Variants in PRKAR1B observed in about 807,000 individuals in gnomAD.
PRKAR1B encodes the protein protein kinase cAMP-dependent type I regulatory subunit beta, also known as cAMP-dependent protein kinase type I-beta regulatory subunit.
A neutral mutation model predicts 46.5 loss-of-function variants in PRKAR1B; 22 were observed. That is an observed-to-expected ratio of 0.47 (90% CI 0.34 to 0.68). PRKAR1B has a LOEUF of 0.68. Among genes scored for constraint, PRKAR1B ranks in the 30% least tolerant of loss-of-function variants. The probability of loss-of-function intolerance (pLI) is 0.01; values close to 1 mark genes in which losing one functional copy is unlikely to be tolerated. For synonymous variants in PRKAR1B, 259 were observed against 217.7 expected (o/e 1.19, Z -1.67); for missense variants, 445 against 535.6 (o/e 0.83, Z 1.67).
At position 560,642 on chromosome 7, in the gene PRKAR1B, A is replaced by T. The variant is rs192079163; in HGVS notation, c.892-9172T>A. On this transcript the variant is annotated intron_variant, in intron 9 of 10. Transcript: ENST00000537384. The surrounding 1 kb of genome is among the most constrained non-coding windows in gnomAD (Gnocchi z 4.2). ...AGTCGAAGAGTCTGGGTCCAGCCTCAGCTCTGCAATGCACCAGCCAGTCTC... is the reference window on the plus strand; with the variant it reads ...AGTCGAAGAGTCTGGGTCCAGCCTCTGCTCTGCAATGCACCAGCCAGTCTC... Among the ~76,000 whole-genome samples the T allele has an allele frequency of 2.0e-5, 3 of 152,306 alleles. No individual in the cohort carries two copies. The highest frequency in any genetic ancestry group is 7.2e-5 in the African/African-American group (3 of 41,560).
chr7:632,337 C>T lies in PRKAR1B; in HGVS notation c.441-24885G>A, dbSNP rs146798296. Among the ~76,000 whole-genome samples the T allele has an allele frequency of 4.2e-3, 647 of 152,300 alleles. 9 individuals carry two copies. Among genetic ancestry groups the T allele is most frequent in the African/African-American group, 0.013 (561 of 41,568 alleles). On this transcript the variant is annotated intron_variant, in intron 4 of 10. Transcript: ENST00000537384. Reference sequence around the variant, plus strand: ...CCACCCACCTCGCCGAAGCCGGCACCGGCTTCGCAGAGACCCGGACTCGAG... The same window carrying T: ...CCACCCACCTCGCCGAAGCCGGCACTGGCTTCGCAGAGACCCGGACTCGAG...
chr7:550,578 C>T lies in PRKAR1B; in HGVS notation c.998G>A (p.Arg333Gln), dbSNP rs77270969. ...YFGEIALLLN[R>Q]PRAATVVARG... ...GGCCACGACAGTGGCCGCCCGGGGC[C>T]GGTTCAGCAGCAGTGCAATCTCCCC... is the stretch of plus-strand genomic sequence containing the variant. The change falls in exon 11 of 11, where the codon CGG becomes CAG. Residue 333 changes from arginine (R) to glutamine (Q), a missense_variant. Arg to Gln is a conservative substitution (Grantham distance 43, BLOSUM62 1). Transcript: ENST00000537384. 2.5e-4 allele frequency: 397 copies of T among 1,591,226 alleles called. 2 individuals are homozygous for T. The highest frequency in any genetic ancestry group is 2.8e-4 in the Non-Finnish European group (323 of 1,170,934).
intron 9 of PRKAR1B, among the ~76,000 whole-genome samples, chr7:559,890 A>G (rs1671700385): frequency 6.6e-6 from 1 of 152,178 alleles, no homozygotes; most frequent in Non-Finnish European, 1.5e-5. Flanking sequence ...AGCCTGCGCA[A>G]CATGGCAAGA....
chr7:618,338 G>C (rs978891924), intron 4 of PRKAR1B, among the ~76,000 whole-genome samples: 1 of 152,186 alleles, frequency 6.6e-6, no homozygotes, highest in Non-Finnish European at 1.5e-5. Flanking sequence ...GGAGCACTCA[G>C]TTCATGCCGC....
At chr7:683,151 C>T (rs1417590660) in intron 2 of PRKAR1B, among the ~76,000 whole-genome samples, 1 of 152,220 alleles carries the variant, frequency 6.6e-6, no homozygotes, top group Non-Finnish European at 1.5e-5. Context: ...GACGTGCCCA[C>T]CTGTGACAAG....
chr7:599,842 A>G (rs1459704182), intron 6 of PRKAR1B, among the ~76,000 whole-genome samples: 1 of 145,422 alleles, frequency 6.9e-6, no homozygotes, highest in African/African-American at 2.6e-5. Context: ...ATGGTGGGAC[A>G]GGGGTGCCAG....
intron 4 of PRKAR1B, among the ~76,000 whole-genome samples, chr7:661,704 C>T (rs1157190160): frequency 6.1e-5 from 3 of 48,990 alleles, no homozygotes. Flanking sequence ...CTCTCCCCCC[C>T]ATGGCACAGG....
In PRKAR1B at chr7:685,289, T is replaced by TATACGTATATATAC. The variant is rs1491565815; in HGVS notation, c.178-4564_178-4563insGTATATATACGTAT. Among the ~76,000 whole-genome samples the TATACGTATATATAC allele has an allele frequency of 1.4e-3, 17 of 12,180 alleles. 2 individuals are homozygous for TATACGTATATATAC. Among genetic ancestry groups the TATACGTATATATAC allele is most frequent in the African/African-American group, 5.5e-3 (11 of 1,998 alleles). The allele number at this position is 12,180 out of a possible 152,430, so 8.0% of individuals were successfully genotyped here. ...ATATACGTATATATACGTATATATA[T>TATACGTATATATAC]GTATACATATATATATACGTATATA... is the stretch of plus-strand genomic sequence containing the variant. On this transcript the variant is annotated intron_variant, in intron 2 of 10. Coordinates refer to ENST00000537384, the MANE Select transcript of PRKAR1B (RefSeq NM_001164760.2).
intron 1 of PRKAR1B, among the ~76,000 whole-genome samples, chr7:721,407 G>T (rs900931962): frequency 6.6e-6 from 1 of 152,154 alleles, no homozygotes; most frequent in African/African-American, 2.4e-5. Flanking sequence ...AGCACTTTGG[G>T]GGGCATTGAG....
chr7:688,823 A>G (rs1272741950), intron 2 of PRKAR1B, among the ~76,000 whole-genome samples: 1 of 152,202 alleles, frequency 6.6e-6, no homozygotes, highest in Non-Finnish European at 1.5e-5. Context: ...AACCATGGTT[A>G]TTGTCTGTCT....
At chr7:576,218 CATCCTCTCCTCTGCACACGGGCGGGT>C (rs1287327590) in intron 9 of PRKAR1B, among the ~76,000 whole-genome samples, 8 of 151,426 alleles carry the variant, frequency 5.3e-5, no homozygotes, top group African/African-American at 1.9e-4. Context: ...TGCACGCTGG[CATCCTCTCCTCTGCACACGGGCGGGT>C]GTGCACGCTG....
At chr7:594,480 G>A (rs1781154460) in intron 7 of PRKAR1B, among the ~76,000 whole-genome samples, 4 of 152,224 alleles carry the variant, frequency 2.6e-5, no homozygotes, top group Admixed American at 2.6e-4. Context: ...AACCAGCTCA[G>A]AGGAGCCCCT....
intron 2 of PRKAR1B, among the ~76,000 whole-genome samples, chr7:683,856 C>T (rs894195136): frequency 5.3e-5 from 8 of 152,248 alleles, no homozygotes; most frequent in African/African-American, 1.9e-4. Context: ...CCGATGTGGC[C>T]GTCTGTCAAT....
chr7:653,178 G>A (rs139782413), intron 4 of PRKAR1B, among the ~76,000 whole-genome samples: 12 of 152,338 alleles, frequency 7.9e-5, no homozygotes, highest in East Asian at 1.9e-4. Context: ...CAGAGCCAAC[G>A]CAGAAGGAAC....
chr7:606,898 G>A (rs980495974), intron 5 of PRKAR1B, among the ~76,000 whole-genome samples: 1 of 151,772 alleles, frequency 6.6e-6, no homozygotes, highest in Non-Finnish European at 1.5e-5. Flanking sequence ...ATGTATATAT[G>A]TGTACATATA....
At chr7:598,604 C>T (rs988416500) in intron 6 of PRKAR1B, among the ~76,000 whole-genome samples, 6 of 151,552 alleles carry the variant, frequency 4.0e-5, no homozygotes, top group Non-Finnish European at 8.8e-5. Context: ...ACCCTCCACA[C>T]TAAACATCAT....
chr7:592,464 C>T (rs192047453), intron 7 of PRKAR1B, among the ~76,000 whole-genome samples: 1,719 of 148,512 alleles, frequency 0.012, 10 homozygotes, highest in Non-Finnish European at 0.017. Flanking sequence ...ACATCGGTCC[C>T]TTCCCGGCTC....
chr7:606,903 C>A (rs1353166414), intron 5 of PRKAR1B, among the ~76,000 whole-genome samples: 2 of 151,592 alleles, frequency 1.3e-5, no homozygotes, highest in African/African-American at 4.9e-5. Flanking sequence ...TATATGTGTA[C>A]ATATATGTAT....
chr7:621,192 G>A (rs1783092475), intron 4 of PRKAR1B, among the ~76,000 whole-genome samples: 1 of 152,156 alleles, frequency 6.6e-6, no homozygotes, highest in Non-Finnish European at 1.5e-5. Flanking sequence ...AGCAATTTGA[G>A]AAGTAAGAAT....
Sources: gnomAD v4.1 joint callset for allele counts (sites outside exome capture counted in the v4.1 genomes callset) on GRCh38, gnomAD v4.1.1 for gene constraint, Gnocchi (gnomAD v3.1) non-coding constraint, MANE v1.5 for transcripts, NCBI Gene and HGNC (gene_info 2026-07-23, HGNC 2026-07-21) for gene names.